The following PCDHA11 variants were observed in gnomAD, a reference collection of about 807,000 sequenced individuals.
PCDHA11 encodes protocadherin alpha 11.
In PCDHA11, 61 loss-of-function variants were observed where a neutral mutation model predicts 70.3. The ratio of observed to expected loss-of-function variants is 0.87; its 90% confidence interval spans 0.71 to 1.07. PCDHA11 has a LOEUF of 1.07. PCDHA11 is among the 50% of genes least tolerant of loss of function. PCDHA11 has a pLI of 0.00. For missense variants in PCDHA11, 1,324 were observed against 1,237.5 expected, an observed-to-expected ratio of 1.07 and a Z score of -1.05; for synonymous variants, 633 against 555.1, an observed-to-expected ratio of 1.14 and a Z score of -1.97.
At chr5:140,918,889 A>C (rs1057244376) in intron 1 of PCDHA11, among the ~76,000 whole-genome samples, 5 of 152,218 alleles carry the variant, frequency 3.3e-5, no homozygotes, top group African/African-American at 4.8e-5. Context: ...GAACAGTGAA[A>C]AATAAATCTC....
In PCDHA11 at chr5:140,883,376, G is replaced by T. The variant is rs1276182742; in HGVS notation, c.2391+11882G>T. On this transcript the variant is annotated intron_variant, in intron 1 of 3. Transcript: ENST00000398640. The stretch of plus-strand genomic sequence containing the variant: ...AGACACTCAGCCTAGCGCCATTATT[G>T]CCCTAATCAGTGTGTCCGATCGTGA... 25 of 1,613,998 alleles carry T rather than the reference G, an allele frequency of 1.5e-5. No homozygotes were observed. The highest frequency in any genetic ancestry group is 2.0e-5 in the Non-Finnish European group (24 of 1,180,022).
In PCDHA11 at chr5:140,982,309, G is replaced by A. The variant is rs1459964622; in HGVS notation, c.2451-166G>A. On this transcript the variant is annotated intron_variant, in intron 2 of 3. Coordinates refer to ENST00000398640, the MANE Select transcript of PCDHA11 (RefSeq NM_018902.5). Reference sequence around the variant, plus strand: ...TAAGTAAGTCAGCAATGCTTCTGCAGTTTATGCAGGGTGACTGCTCAGCAG... The same window carrying A: ...TAAGTAAGTCAGCAATGCTTCTGCAATTTATGCAGGGTGACTGCTCAGCAG... 5.4e-6 allele frequency: 7 copies of A among 1,306,624 alleles called. No homozygotes were observed. The Admixed American group carries it at 1.8e-4, about 34-fold the overall frequency. The allele number at this position is 1,306,624 out of a possible 1,614,324, so 80.9% of individuals were successfully genotyped here. A position where few individuals can be genotyped will look rare whatever the true frequency, so the allele number is the denominator to read the frequency against.
chr5:140,915,093 G>A (rs1397392191), intron 1 of PCDHA11, among the ~76,000 whole-genome samples: 3 of 151,622 alleles, frequency 2.0e-5, no homozygotes, highest in Non-Finnish European at 2.9e-5. Flanking sequence ...CTATGGGCAC[G>A]CACCACCACA....
At chr5:140,957,780 G>A (rs2095383354) in intron 1 of PCDHA11, among the ~76,000 whole-genome samples, 1 of 152,020 alleles carries the variant, frequency 6.6e-6, no homozygotes, top group Non-Finnish European at 1.5e-5. Context: ...TAAAAACTAA[G>A]TTCATCATAT....
chr5:140,888,233 C>T (rs544193607), intron 1 of PCDHA11, among the ~76,000 whole-genome samples: 6 of 152,142 alleles, frequency 3.9e-5, no homozygotes, highest in South Asian at 4.1e-4. Flanking sequence ...CATGTGTGTG[C>T]GTGTTCCTTT....
At chr5:140,969,359 C>A (rs1554231722) in intron 1 of PCDHA11, 2 of 1,611,118 alleles carry the variant, frequency 1.2e-6, no homozygotes, top group Admixed American at 3.4e-5. Flanking sequence ...GGGTCTTCTA[C>A]AAACTCATGC....
At chr5:140,941,210 TC>T (rs2092849552) in intron 1 of PCDHA11, among the ~76,000 whole-genome samples, 1 of 100,630 alleles carries the variant, frequency 9.9e-6, no homozygotes, top group African/African-American at 5.4e-5. Flanking sequence ...TTCCTTTCTT[TC>T]TTCCTTTCTT....
At chr5:140,882,561 G>A in intron 1 of PCDHA11, 2 of 1,614,222 alleles carry the variant, frequency 1.2e-6, no homozygotes, top group Non-Finnish European at 1.7e-6. Flanking sequence ...CTGTGTGGGC[G>A]GAGCGCGGAG....
intron 1 of PCDHA11, chr5:140,966,755 C>T (rs1554228616): frequency 7.0e-7 from 1 of 1,434,520 alleles, no homozygotes; most frequent in Admixed American, 2.7e-5. Context: ...GCCTCCGCCG[C>T]GGCCAGTGGC....
At chr5:140,915,572 C>A (rs2077180575) in intron 1 of PCDHA11, among the ~76,000 whole-genome samples, 1 of 151,988 alleles carries the variant, frequency 6.6e-6, no homozygotes, top group Non-Finnish European at 1.5e-5. Flanking sequence ...ATCTGGATTG[C>A]CAGGCAAAAG....
intron 3 of PCDHA11, among the ~76,000 whole-genome samples, chr5:140,997,400 G>A (rs1554255862): frequency 3.3e-5 from 5 of 152,056 alleles, no homozygotes; most frequent in Admixed American, 1.3e-4. Context: ...AGGCTCTATC[G>A]TATGGCCTAT....
In PCDHA11 at chr5:140,870,383, G is replaced by C; in HGVS notation, c.1280G>C (p.Arg427Pro). Reference sequence around the variant, plus strand: ...GCCTATGAACTGGTGGTGACTGCGCGGGATGGGGGTTCGCCTTCTCTGTGG... The same window carrying C: ...GCCTATGAACTGGTGGTGACTGCGCCGGATGGGGGTTCGCCTTCTCTGTGG... ...VWAYELVVTA[R>P]DGGSPSLWAT... The change falls in exon 1 of 4, where the codon CGG (arginine) becomes CCG (proline). Residue 427 changes from arginine (R) to proline (P), a missense_variant. By Grantham distance (103) the Arg-to-Pro change is moderately radical. Transcript: ENST00000398640. The C allele has an allele frequency of 6.2e-7, 1 of 1,614,242 alleles. No homozygotes were observed. The highest frequency in any genetic ancestry group is 1.1e-5 in the South Asian group (1 of 91,082).
At chr5:140,878,028 G>A in intron 1 of PCDHA11, 1 of 666,892 alleles carries the variant, frequency 1.5e-6, no homozygotes, top group Non-Finnish European at 2.2e-6. Context: ...AAATATGTAG[G>A]TACAATGGAG....
intron 1 of PCDHA11, among the ~76,000 whole-genome samples, chr5:140,922,161 A>C (rs1381544563): frequency 1.4e-5 from 2 of 147,172 alleles, no homozygotes; most frequent in African/African-American, 2.5e-5. Flanking sequence ...CAAAAACAAC[A>C]AAAAGTACAG....
intron 1 of PCDHA11, among the ~76,000 whole-genome samples, chr5:140,909,546 A>T (rs1322878685): frequency 6.6e-6 from 1 of 152,180 alleles, no homozygotes; most frequent in African/African-American, 2.4e-5. Flanking sequence ...TGATGGTGGC[A>T]CTAATCTCTG....
chr5:140,875,889 G>C, intron 1 of PCDHA11: 1 of 1,614,174 alleles, frequency 6.2e-7, no homozygotes, highest in South Asian at 1.1e-5. Context: ...GGGAACAAAA[G>C]GTACCTGTTT....
At chr5:140,967,091 G>A (rs782261207) in intron 1 of PCDHA11, 1 of 1,613,196 alleles carries the variant, frequency 6.2e-7, no homozygotes. Context: ...TGATCGGGAG[G>A]CGCTGTGTGA....
At chr5:140,872,181 G>T (rs2053527538) in intron 1 of PCDHA11, among the ~76,000 whole-genome samples, 1 of 151,138 alleles carries the variant, frequency 6.6e-6, no homozygotes, top group Admixed American at 6.6e-5. Flanking sequence ...TTTTTTTACA[G>T]TGTTAAACGT....
intron 1 of PCDHA11, among the ~76,000 whole-genome samples, chr5:140,874,881 CCTAA>C (rs1562692558): frequency 6.6e-6 from 1 of 152,102 alleles, no homozygotes; most frequent in African/African-American, 2.4e-5. Context: ...AATACAAATT[CCTAA>C]CTTTCTCTAA....
Sources: gnomAD v4.1 joint callset for allele counts (sites outside exome capture counted in the v4.1 genomes callset) on GRCh38, gnomAD v4.1.1 for gene constraint, MANE v1.5 for transcripts, NCBI Gene and HGNC (gene_info 2026-07-23, HGNC 2026-07-21) for gene names.